CNTLN: variants seen among roughly 807,000 people sequenced by gnomAD.
CNTLN encodes centlein, centrosomal protein.
In CNTLN, 212 loss-of-function variants were observed where a neutral mutation model predicts 180.0. That is an observed-to-expected ratio of 1.18 (90% CI 1.05 to 1.32). The LOEUF (loss-of-function observed/expected upper bound fraction) is 1.32. CNTLN is among the 40% of genes most tolerant of loss of function. The pLI is 0.00. For missense variants in CNTLN, 2,095 were observed against 1,610.9 expected (o/e 1.30, Z -5.14); for synonymous variants, 722 against 563.1 (o/e 1.28, Z -3.99).
the CNTLN span, among the ~76,000 whole-genome samples, chr9:17,511,332 A>G: frequency 1.3e-5 from 2 of 152,188 alleles, no homozygotes; most frequent in Non-Finnish European, 2.9e-5. Flanking sequence ...GTCATTATCT[A>G]TCACTGCATA....
rs569546234 is a variant in CNTLN, at chr9:17,236,050, T to C, written c.669+258T>C. ...AGTAGGAGTGTGAATATGTGGCTTCTTGTAATTAGATTCTGATGGGACTGG... is the reference window on the plus strand; with the variant it reads ...AGTAGGAGTGTGAATATGTGGCTTCCTGTAATTAGATTCTGATGGGACTGG... On this transcript the variant is annotated intron_variant, in intron 4 of 25. Transcript: ENST00000380647. 5.2e-4 allele frequency among the ~76,000 whole-genome samples: 79 copies of C among 152,312 alleles called. No homozygotes were observed. In the Middle Eastern group the frequency reaches 0.01, roughly 20 times the overall value.
intron 5 of CNTLN, among the ~76,000 whole-genome samples, chr9:17,270,579 C>A (rs948401209): frequency 6.6e-6 from 1 of 152,108 alleles, no homozygotes; most frequent in Non-Finnish European, 1.5e-5. Flanking sequence ...CCTTCCCTTT[C>A]TAACGTGGAT....
intron 6 of CNTLN, among the ~76,000 whole-genome samples, chr9:17,295,755 A>G (rs1368754600): frequency 2.0e-5 from 3 of 152,028 alleles, no homozygotes; most frequent in Admixed American, 2.0e-4. Context: ...TATTTGCAAC[A>G]TTGGTGTACA....
At chr9:17,182,136 T>C (rs1342286241) in intron 2 of CNTLN, among the ~76,000 whole-genome samples, 1 of 152,040 alleles carries the variant, frequency 6.6e-6, no homozygotes, top group Non-Finnish European at 1.5e-5. Context: ...TCTCGTGGCC[T>C]TTGCTAGCAT....
chr9:17,291,941 T>G (rs1442746842), intron 6 of CNTLN, among the ~76,000 whole-genome samples: 1 of 152,112 alleles, frequency 6.6e-6, no homozygotes, highest in Admixed American at 6.5e-5. Flanking sequence ...TAGTGGTGGT[T>G]TTTCCTTTCT....
intron 2 of CNTLN, 104 bp downstream of exon 2, chr9:17,143,480 T>G: frequency 1.2e-6 from 1 of 828,790 alleles, no homozygotes; most frequent in South Asian, 1.6e-5. Flanking sequence ...GAGATTCATT[T>G]AATTTCTGAA....
intron 22 of CNTLN, 66 bp from the exon 23 acceptor site, chr9:17,466,640 T>G: frequency 7.7e-7 from 1 of 1,292,838 alleles, no homozygotes; most frequent in Non-Finnish European, 1.1e-6. Context: ...ATTTGACATG[T>G]ATAACTAACT....
intron 2 of CNTLN, among the ~76,000 whole-genome samples, chr9:17,178,017 A>G (rs781106264): frequency 2.6e-5 from 4 of 151,774 alleles, no homozygotes; most frequent in Non-Finnish European, 4.4e-5. Context: ...TTAGCTAGAT[A>G]TAGAGTGTTG....
At chr9:17,448,838 T>G (rs1338026446) in intron 18 of CNTLN, among the ~76,000 whole-genome samples, 2 of 152,130 alleles carry the variant, frequency 1.3e-5, no homozygotes, top group Non-Finnish European at 2.9e-5. Flanking sequence ...ATAATTAAAG[T>G]GGTGAATAGT....
intron 18 of CNTLN, among the ~76,000 whole-genome samples, chr9:17,451,827 G>A (rs904955786): frequency 6.6e-6 from 1 of 152,076 alleles, no homozygotes; most frequent in Non-Finnish European, 1.5e-5. Context: ...TTTTTTAAAT[G>A]GTTCATTACT....
intron 2 of CNTLN, among the ~76,000 whole-genome samples, chr9:17,173,130 G>A (rs936136983): frequency 1.3e-5 from 2 of 152,126 alleles, no homozygotes; most frequent in Admixed American, 1.3e-4. Context: ...TGGAAAGCCA[G>A]AAATGTTGAG....
intron 2 of CNTLN, among the ~76,000 whole-genome samples, chr9:17,188,676 A>G (rs376020602): frequency 6.6e-6 from 1 of 152,072 alleles, no homozygotes; most frequent in African/African-American, 2.4e-5. Context: ...GTACTGTTTA[A>G]TCTGCTGTTC....
intron 20 of CNTLN, among the ~76,000 whole-genome samples, chr9:17,464,043 T>C (rs1190514138): frequency 1.3e-5 from 2 of 151,482 alleles, no homozygotes; most frequent in Non-Finnish European, 3.0e-5. Context: ...GAATCTCAAA[T>C]TATATTAAAT....
At chr9:17,263,159 A>G (rs1362287744) in intron 5 of CNTLN, among the ~76,000 whole-genome samples, 2 of 149,154 alleles carry the variant, frequency 1.3e-5, no homozygotes, top group Admixed American at 6.6e-5. Context: ...GTCATTTAGC[A>G]TTAGGTATAT....
At chr9:17,478,518 A>G (rs745591207) in intron 23 of CNTLN, among the ~76,000 whole-genome samples, 25 of 151,512 alleles carry the variant, frequency 1.7e-4, no homozygotes, top group Non-Finnish European at 3.2e-4. Flanking sequence ...GTTTTCTTGT[A>G]GGAGTTTTTT....
intron 19 of CNTLN, among the ~76,000 whole-genome samples, chr9:17,462,048 G>C (rs1403852306): frequency 2.6e-5 from 4 of 151,750 alleles, no homozygotes; most frequent in Non-Finnish European, 4.4e-5. Flanking sequence ...TTCAAGTAAA[G>C]AAGGATTGAG....
the CNTLN span, among the ~76,000 whole-genome samples, chr9:17,516,666 A>G: frequency 1.3e-5 from 2 of 152,138 alleles, no homozygotes; most frequent in Admixed American, 6.5e-5. Context: ...TCAGGGTCCT[A>G]TGGCCTACTT....
At chr9:17,313,871 A>G (rs2132966344) in intron 8 of CNTLN, among the ~76,000 whole-genome samples, 1 of 152,100 alleles carries the variant, frequency 6.6e-6, no homozygotes, top group Non-Finnish European at 1.5e-5. Flanking sequence ...ATCTCTGCTC[A>G]CTGCAATCTC....
At chr9:17,366,880 A>G (rs975987760) in intron 13 of CNTLN, among the ~76,000 whole-genome samples, 163 bp downstream of exon 13, 1 of 152,196 alleles carries the variant, frequency 6.6e-6, no homozygotes, top group Admixed American at 6.5e-5. Flanking sequence ...AAAATTAAAT[A>G]AATAGAACAT....
Sources: allele counts gnomAD v4.1 joint callset (sites outside exome capture counted in the v4.1 genomes callset), GRCh38; gene constraint gnomAD v4.1.1; transcripts MANE v1.5; gene names NCBI Gene and HGNC (gene_info 2026-07-23, HGNC 2026-07-21).